COL5A2: variants seen among roughly 807,000 people sequenced by gnomAD.
COL5A2 encodes collagen alpha-2(V) chain.
In COL5A2, 23 loss-of-function variants were observed where a neutral mutation model predicts 208.2. That is an observed-to-expected ratio of 0.11 (90% CI 0.08 to 0.16). The LOEUF is 0.16. COL5A2 is among the 10% of genes least tolerant of loss of function. The pLI is 1.00. For synonymous variants in COL5A2, 625 were observed against 628.5 expected, an observed-to-expected ratio of 0.99 and a Z score of 0.08; for missense variants, 1,590 against 1,956.4, an observed-to-expected ratio of 0.81 and a Z score of 3.53.
chr2:189,173,820 G>A (rs950356672), intron 1 of COL5A2, among the ~76,000 whole-genome samples: 15 of 152,078 alleles, frequency 9.9e-5, no homozygotes, highest in African/African-American at 3.4e-4. Flanking sequence ...ATAATTCCAA[G>A]ATTTGTCTTA....
rs1688217139 is a variant in COL5A2, at chr2:189,155,005, G to T, written c.97+24503C>A. Among the ~76,000 whole-genome samples the T allele has an allele frequency of 2.0e-5, 3 of 151,876 alleles. No individual in the cohort carries two copies. The South Asian group carries it at 6.3e-4, about 32-fold the overall frequency. On this transcript the variant is annotated intron_variant, in intron 1 of 53. Coordinates refer to ENST00000374866, the MANE Select transcript of COL5A2 (RefSeq NM_000393.5). The stretch of plus-strand genomic sequence containing the variant: ...ATTTATTTATTTATTTTAGAGAGAG[G>T]GTCTCACTCTAATGTGCAAGCTGGA...
chr2:189,184,019 A>T (rs1263609567), upstream of COL5A2, among the ~76,000 whole-genome samples: 1 of 152,206 alleles, frequency 6.6e-6, no homozygotes, highest in African/African-American at 2.4e-5. Flanking sequence ...GGCACTAAGG[A>T]TACATAGCTG....
At chr2:189,250,765 T>C in the COL5A2 span, among the ~76,000 whole-genome samples, 1 of 152,186 alleles carries the variant, frequency 6.6e-6, no homozygotes, top group Non-Finnish European at 1.5e-5. Flanking sequence ...CAAGCCTATA[T>C]ATTTCCATCT....
intron 1 of COL5A2, among the ~76,000 whole-genome samples, chr2:189,192,790 G>A (rs912399512): frequency 6.6e-6 from 1 of 152,190 alleles, no homozygotes; most frequent in Admixed American, 6.5e-5. Context: ...CATTGTAACA[G>A]TATTAAGAAT....
chr2:189,364,458 G>A, the COL5A2 span, among the ~76,000 whole-genome samples: 22 of 152,244 alleles, frequency 1.4e-4, no homozygotes, highest in Admixed American at 7.9e-4. Flanking sequence ...AGACCCAGTC[G>A]GGTAAATTAC....
chr2:189,438,304 A>C, the COL5A2 span, among the ~76,000 whole-genome samples: 1 of 152,158 alleles, frequency 6.6e-6, no homozygotes, highest in African/African-American at 2.4e-5. Context: ...GGAAAAAAAG[A>C]GTTTGGCAAT....
At chr2:189,151,004 G>A (rs915096959) in intron 1 of COL5A2, among the ~76,000 whole-genome samples, 3 of 152,076 alleles carry the variant, frequency 2.0e-5, no homozygotes, top group Admixed American at 2.0e-4. Context: ...TAAATATGGA[G>A]GACAGTAGTC....
intron 1 of COL5A2, among the ~76,000 whole-genome samples, chr2:189,145,009 A>G (rs1688010803): frequency 6.6e-6 from 1 of 152,120 alleles, no homozygotes; most frequent in Admixed American, 6.6e-5. Flanking sequence ...AGAGTTTAGA[A>G]CCTCATGGAA....
chr2:189,094,580 TTC>T (rs1189388596), intron 6 of COL5A2, among the ~76,000 whole-genome samples: 1 of 5,412 alleles, frequency 1.8e-4, no homozygotes, highest in Non-Finnish European at 5.9e-4. Flanking sequence ...CTCTCTCTCT[TTC>T]TCTCTGACAC....
chr2:189,214,098 T>A (rs1354764546), intron 1 of COL5A2, among the ~76,000 whole-genome samples: 1 of 152,142 alleles, frequency 6.6e-6, no homozygotes, highest in Non-Finnish European at 1.5e-5. Flanking sequence ...TGTACATAGA[T>A]TTTTAAAAAT....
At chr2:189,110,501 GA>G in intron 1 of COL5A2, 52 bp from the exon 2 acceptor site, 1 of 1,537,276 alleles carries the variant, frequency 6.5e-7, no homozygotes, top group Non-Finnish European at 9.0e-7. Flanking sequence ...ATAGAATTGA[GA>G]AAATAAAAGG....
the COL5A2 span, among the ~76,000 whole-genome samples, chr2:189,256,031 T>C: frequency 4.6e-5 from 7 of 152,208 alleles, no homozygotes; most frequent in Non-Finnish European, 1.0e-4. Flanking sequence ...AGCATTTATA[T>C]GTTAGTTATT....
In COL5A2 at chr2:189,052,811, A is replaced by G. The variant is rs1448833381; in HGVS notation, c.2662-9T>C. On this transcript the variant is annotated splice_polypyrimidine_tract_variant and intron_variant, in intron 39 of 53. Transcript: ENST00000374866. ...GGAACACCATTAGGACCCTGAATAG[A>G]AACAAACAAAAGAGCACTATAGTGA... is the stretch of plus-strand genomic sequence containing the variant. The G allele has an allele frequency of 6.2e-7, 1 of 1,614,146 alleles. No homozygotes were observed. Among genetic ancestry groups the G allele is most frequent in the Middle Eastern group, 1.6e-4 (1 of 6,062 alleles).
At chr2:189,051,737 A>G (rs1267930401) in intron 41 of COL5A2, among the ~76,000 whole-genome samples, 2 of 152,230 alleles carry the variant, frequency 1.3e-5, no homozygotes, top group East Asian at 3.8e-4. Flanking sequence ...GAGTGGTGCA[A>G]CTAACTTGAA....
chr2:189,206,459 T>C (rs1248104618), intron 1 of COL5A2, among the ~76,000 whole-genome samples: 2 of 152,138 alleles, frequency 1.3e-5, no homozygotes, highest in African/African-American at 2.4e-5. Flanking sequence ...GAGGCACAAA[T>C]AGTAGTTGCC....
chr2:189,308,935 G>A, the COL5A2 span, among the ~76,000 whole-genome samples: 1 of 152,150 alleles, frequency 6.6e-6, no homozygotes, highest in Admixed American at 6.5e-5. Flanking sequence ...ACGGGCCACT[G>A]CTCACTCATA....
the COL5A2 span, among the ~76,000 whole-genome samples, chr2:189,434,822 A>T: frequency 5.3e-5 from 8 of 152,306 alleles, no homozygotes; most frequent in South Asian, 1.7e-3. Flanking sequence ...ATGAGAAAAA[A>T]CTACTTTAAA....
chr2:189,416,867 T>A, the COL5A2 span, among the ~76,000 whole-genome samples: 2 of 152,294 alleles, frequency 1.3e-5, no homozygotes, highest in Admixed American at 6.5e-5. Flanking sequence ...TGTCTTTTTT[T>A]ATTGGGTTGT....
the COL5A2 span, among the ~76,000 whole-genome samples, chr2:189,355,044 A>G: frequency 6.6e-6 from 1 of 152,198 alleles, no homozygotes; most frequent in South Asian, 2.1e-4. Context: ...TTTACCTAGT[A>G]GTCATTCAGG....
Sources: gnomAD v4.1 joint callset for allele counts (sites outside exome capture counted in the v4.1 genomes callset) on GRCh38, gnomAD v4.1.1 for gene constraint, MANE v1.5 for transcripts, NCBI Gene and HGNC (gene_info 2026-07-23, HGNC 2026-07-21) for gene names.